LINGO2: variants seen among roughly 807,000 people sequenced by gnomAD.
The protein encoded by LINGO2 is leucine-rich repeat and immunoglobulin-like domain-containing nogo receptor-interacting protein 2.
In LINGO2, 14 loss-of-function variants were observed where a neutral mutation model predicts 30.6. The ratio of observed to expected loss-of-function variants is 0.46; its 90% CI spans 0.30 to 0.72. The LOEUF (loss-of-function observed/expected upper bound fraction) is 0.72, where lower values mean the gene tolerates loss of function less well. Among genes scored for constraint, LINGO2 ranks in the 30% least tolerant of loss-of-function variants. The probability of loss-of-function intolerance (pLI) is 0.07; values close to 1 mark genes in which losing one functional copy is unlikely to be tolerated. For synonymous variants in LINGO2, 317 were observed against 288.5 expected (o/e 1.10, Z -1.00); for missense variants, 729 against 751.7 (o/e 0.97, Z 0.35).
chr9:28,737,251 C>T, the LINGO2 span, among the ~76,000 whole-genome samples: 1 of 152,182 alleles, frequency 6.6e-6, no homozygotes. Flanking sequence ...TCACTCCAGT[C>T]ATCCAAGCCT....
the LINGO2 span, among the ~76,000 whole-genome samples, chr9:29,077,824 A>G: frequency 2.0e-5 from 3 of 152,002 alleles, 1 homozygote; most frequent in Non-Finnish European, 2.9e-5. Flanking sequence ...ATTATTTAAA[A>G]AAAAATAGTT....
chr9:28,649,764 T>C (rs1210371910), intron 1 of LINGO2, among the ~76,000 whole-genome samples: 1 of 151,592 alleles, frequency 6.6e-6, no homozygotes, highest in East Asian at 1.9e-4. Context: ...AAACTGAGGA[T>C]GTGAAAAATT....
Position 27,998,691 on chromosome 9 carries a change from G to A in LINGO2, c.-36+13664C>T, listed in dbSNP as rs150013197. On this transcript the variant is annotated intron_variant, in intron 5 of 5. Coordinates refer to ENST00000379992, the Ensembl canonical transcript of LINGO2. ...AGCTACTTGGGAGGTTTAGGCAGGA[G>A]AATTGCTGAAACCAGGGAAGTGGAG... Among the ~76,000 whole-genome samples the A allele has an allele frequency of 2.6e-5, 4 of 152,298 alleles. No homozygotes were observed. In the South Asian group the frequency reaches 6.2e-4, roughly 24 times the overall value.
chr9:28,257,369 C>T (rs1822417105), intron 4 of LINGO2, among the ~76,000 whole-genome samples: 1 of 151,718 alleles, frequency 6.6e-6, no homozygotes, highest in African/African-American at 2.4e-5. Context: ...AATAATTCAT[C>T]AAGACAGAAG....
chr9:27,952,211 A>C (rs1489977430), intron 5 of LINGO2, among the ~76,000 whole-genome samples: 3 of 152,096 alleles, frequency 2.0e-5, no homozygotes, highest in Non-Finnish European at 4.4e-5. Flanking sequence ...CAAACCATTT[A>C]GAAAATACTA....
chr9:28,917,907 T>C, the LINGO2 span, among the ~76,000 whole-genome samples: 1 of 151,890 alleles, frequency 6.6e-6, no homozygotes, highest in Non-Finnish European at 1.5e-5. Flanking sequence ...CCAGCATTTA[T>C]AGTAAATGAA....
intron 4 of LINGO2, among the ~76,000 whole-genome samples, chr9:28,198,180 T>A (rs1820083893): frequency 6.6e-6 from 1 of 150,842 alleles, no homozygotes; most frequent in Non-Finnish European, 1.5e-5. Flanking sequence ...TAAATGTCCA[T>A]CAATAAGTTG....
chr9:28,990,761 C>T, the LINGO2 span, among the ~76,000 whole-genome samples: 1 of 85,906 alleles, frequency 1.2e-5, no homozygotes, highest in African/African-American at 3.2e-5. Context: ...TGGAGTGGAC[C>T]TTAGCAAACT....
chr9:28,558,239 G>C lies in LINGO2; in HGVS notation c.-364-82214C>G, dbSNP rs117675014. On this transcript the variant is annotated intron_variant, in intron 1 of 5. Transcript: ENST00000379992. Reference sequence around the variant, plus strand: ...ATCTAGCTGATTTCGTTCTACTTAAGGGTTTTCTGCTGCCATTTTTGTTAG... The same window carrying C: ...ATCTAGCTGATTTCGTTCTACTTAACGGTTTTCTGCTGCCATTTTTGTTAG... 5.9e-3 allele frequency among the ~76,000 whole-genome samples: 891 copies of C among 151,230 alleles called. 3 individuals carry two copies. The highest frequency in any genetic ancestry group is 0.012 in the Admixed American group (187 of 15,164).
the LINGO2 span, among the ~76,000 whole-genome samples, chr9:28,815,643 C>CCAATACAACAAAAATCT: frequency 6.0e-4 from 91 of 152,288 alleles, no homozygotes; most frequent in African/African-American, 2.1e-3. Context: ...ACAATTACCA[C>CCAATACAACAAAAATCT]CAGCACTAGT....
At chr9:29,135,736 T>C in the LINGO2 span, among the ~76,000 whole-genome samples, 1 of 152,114 alleles carries the variant, frequency 6.6e-6, no homozygotes, top group Non-Finnish European at 1.5e-5. Flanking sequence ...AGAATTATCT[T>C]GCAGAACTGA....
intron 4 of LINGO2, among the ~76,000 whole-genome samples, chr9:28,023,440 C>T (rs1823231844): frequency 6.6e-6 from 1 of 152,112 alleles, no homozygotes; most frequent in East Asian, 1.9e-4. Context: ...GCAGTTCTTT[C>T]ATCTGTAACC....
intron 1 of LINGO2, among the ~76,000 whole-genome samples, chr9:28,553,419 G>T (rs1042267964): frequency 1.3e-5 from 2 of 151,992 alleles, no homozygotes; most frequent in Admixed American, 6.6e-5. Flanking sequence ...TGAAATGAAT[G>T]AAATGAAGTG....
intron 4 of LINGO2, among the ~76,000 whole-genome samples, chr9:28,257,024 A>G (rs1042920162): frequency 6.6e-6 from 1 of 151,822 alleles, no homozygotes; most frequent in Admixed American, 6.6e-5. Flanking sequence ...TAATTGCTGC[A>G]TATTATTTCA....
the LINGO2 span, among the ~76,000 whole-genome samples, chr9:29,074,388 G>T: frequency 6.6e-6 from 1 of 151,826 alleles, no homozygotes; most frequent in African/African-American, 2.4e-5. Context: ...ACCCACAAAC[G>T]GGCTAATAAA....
chr9:28,596,210 G>C (rs1168451254), intron 1 of LINGO2, among the ~76,000 whole-genome samples: 1 of 152,100 alleles, frequency 6.6e-6, no homozygotes, highest in African/African-American at 2.4e-5. Flanking sequence ...ATACAGAGGT[G>C]CATATTAAAA....
intron 4 of LINGO2, among the ~76,000 whole-genome samples, chr9:28,053,542 G>A (rs969657224): frequency 2.0e-4 from 30 of 151,962 alleles, no homozygotes; most frequent in Middle Eastern, 3.2e-3. Flanking sequence ...GTTCTTTCCC[G>A]GGATATCAGC....
chr9:29,196,832 T>C, the LINGO2 span, among the ~76,000 whole-genome samples: 7 of 152,192 alleles, frequency 4.6e-5, no homozygotes, highest in South Asian at 1.4e-3. Context: ...TTGAAAAAGA[T>C]GTCAGAAATA....
At chr9:28,369,705 C>G (rs1259082513) in intron 3 of LINGO2, among the ~76,000 whole-genome samples, 1 of 152,108 alleles carries the variant, frequency 6.6e-6, no homozygotes, top group Non-Finnish European at 1.5e-5. Context: ...GCAAAAGTGG[C>G]AAGAACTAGG....
Sources: gnomAD v4.1 joint callset for allele counts (sites outside exome capture counted in the v4.1 genomes callset) on GRCh38, gnomAD v4.1.1 for gene constraint, MANE v1.5 for transcripts, NCBI Gene and HGNC (gene_info 2026-07-23, HGNC 2026-07-21) for gene names.